Variants in NKAIN2 observed in about 807,000 individuals in gnomAD.
NKAIN2 encodes the protein sodium/potassium transporting ATPase interacting 2, also known as sodium/potassium-transporting ATPase subunit beta-1-interacting protein 2.
NKAIN2 carries 14 observed loss-of-function variants against 32.6 expected under a neutral mutation model. That is an observed-to-expected ratio of 0.43 (90% confidence interval 0.28 to 0.67). The LOEUF (loss-of-function observed/expected upper bound fraction) is 0.67, where lower values mean the gene tolerates loss of function less well. NKAIN2 is among the 30% of genes least tolerant of loss of function. The pLI is 0.17. For missense variants in NKAIN2, 198 were observed against 258.3 expected, an observed-to-expected ratio of 0.77 and a Z score of 1.60; for synonymous variants, 80 against 87.2, an observed-to-expected ratio of 0.92 and a Z score of 0.46.
In NKAIN2 at chr6:124,681,086, G is replaced by A. The variant is rs75114392; in HGVS notation, c.474+22700G>A. Among the ~76,000 whole-genome samples the A allele has an allele frequency of 1.4e-3, 212 of 151,936 alleles. 2 individuals are homozygous for A. In the East Asian group the frequency reaches 0.036, roughly 26 times the overall value. Reference sequence around the variant, plus strand: ...TTTAGTATAATTTCTTTGTTTTATAGATGAGAACACTGAGTCATACAGCTG... The same window carrying A: ...TTTAGTATAATTTCTTTGTTTTATAAATGAGAACACTGAGTCATACAGCTG... On this transcript the variant is annotated intron_variant, in intron 4 of 6. Transcript: ENST00000368417.
chr6:124,095,776 GT>G (rs1469639453), intron 1 of NKAIN2, among the ~76,000 whole-genome samples: 1 of 152,092 alleles, frequency 6.6e-6, no homozygotes, highest in Non-Finnish European at 1.5e-5. Context: ...AAGTGATCAT[GT>G]TTTTCTGTAA....
At chr6:124,093,433 T>A (rs903595935) in intron 1 of NKAIN2, among the ~76,000 whole-genome samples, 9 of 152,102 alleles carry the variant, frequency 5.9e-5, no homozygotes, top group African/African-American at 1.4e-4. Context: ...CCCATAGGAT[T>A]GTTACATGCA....
chr6:124,182,654 A>G (rs941144207), intron 1 of NKAIN2, among the ~76,000 whole-genome samples: 2 of 152,184 alleles, frequency 1.3e-5, no homozygotes, highest in Non-Finnish European at 2.9e-5. Flanking sequence ...ACTACCCTGA[A>G]CATTTTGAGA....
chr6:124,798,102 T>TCTAG lies in NKAIN2; in HGVS notation c.535+6706_535+6707insGCTA, dbSNP rs1344021417. Reference sequence around the variant, plus strand: ...ATCTATCTATCTATCTATCTATCTATCTATCATCTAACTGCATTCCTCCCA... The same window carrying TCTAG: ...ATCTATCTATCTATCTATCTATCTATCTAGCTATCATCTAACTGCATTCCTCCCA... On this transcript the variant is annotated intron_variant, in intron 5 of 6. Coordinates refer to ENST00000368417, the MANE Select transcript of NKAIN2 (RefSeq NM_001040214.3). 4.3e-4 allele frequency among the ~76,000 whole-genome samples: 60 copies of TCTAG among 138,444 alleles called. 1 individual carries two copies. Among genetic ancestry groups the TCTAG allele is most frequent in the African/African-American group, 1.4e-3 (55 of 38,800 alleles). 90.8% of individuals were successfully genotyped at this position (138,444 alleles called of 152,430 possible).
At chr6:124,206,137 C>T (rs1419838002) in intron 1 of NKAIN2, among the ~76,000 whole-genome samples, 1 of 151,922 alleles carries the variant, frequency 6.6e-6, no homozygotes, top group Non-Finnish European at 1.5e-5. Flanking sequence ...AGAGCTCCTA[C>T]TTGTGAGTGT....
In NKAIN2 at chr6:124,207,892, C is replaced by G. The variant is rs946449338; in HGVS notation, c.55-75113C>G. On this transcript the variant is annotated intron_variant, in intron 1 of 6. Coordinates refer to ENST00000368417, the MANE Select transcript of NKAIN2 (RefSeq NM_001040214.3). ...TGCAGACAATTAAATATTAATTTTGCTAAATAATACAAAAATTGTGTTACA... is the reference window on the plus strand; with the variant it reads ...TGCAGACAATTAAATATTAATTTTGGTAAATAATACAAAAATTGTGTTACA... 5.9e-5 allele frequency among the ~76,000 whole-genome samples: 9 copies of G among 151,796 alleles called. No homozygotes were observed. In the East Asian group the frequency reaches 1.5e-3, roughly 26 times the overall value.
chr6:124,647,863 T>G (rs1320922620), intron 3 of NKAIN2, among the ~76,000 whole-genome samples: 1 of 152,132 alleles, frequency 6.6e-6, no homozygotes, highest in Non-Finnish European at 1.5e-5. Context: ...TGAAAGCACA[T>G]TCATCAGACT....
chr6:124,304,039 A>C (rs1796408911), intron 2 of NKAIN2, among the ~76,000 whole-genome samples: 1 of 152,228 alleles, frequency 6.6e-6, no homozygotes, highest in Admixed American at 6.5e-5. Context: ...GCTTTAGTTT[A>C]GAAATTGCTT....
intron 1 of NKAIN2, among the ~76,000 whole-genome samples, chr6:124,027,574 G>A (rs371183514): frequency 5.9e-5 from 9 of 152,018 alleles, no homozygotes; most frequent in South Asian, 2.1e-4. Flanking sequence ...CAGGAAACGC[G>A]TATGTATCAT....
At chr6:124,637,617 A>C (rs191801058) in intron 3 of NKAIN2, among the ~76,000 whole-genome samples, 2 of 152,266 alleles carry the variant, frequency 1.3e-5, no homozygotes, top group African/African-American at 4.8e-5. Flanking sequence ...GTTTCTAAAC[A>C]ACAAGAACAA....
chr6:124,220,835 AATATT>A (rs1229005345), intron 1 of NKAIN2, among the ~76,000 whole-genome samples: 4 of 152,124 alleles, frequency 2.6e-5, no homozygotes, highest in African/African-American at 9.7e-5. Flanking sequence ...GAGCTCCATA[AATATT>A]TATTTAGTTG....
intron 1 of NKAIN2, among the ~76,000 whole-genome samples, chr6:124,146,436 G>A (rs1447946762): frequency 1.3e-5 from 2 of 152,062 alleles, no homozygotes; most frequent in African/African-American, 2.4e-5. Flanking sequence ...ATTTGAATTG[G>A]AATTCATGTA....
At chr6:124,570,994 G>A (rs149086102) in intron 3 of NKAIN2, among the ~76,000 whole-genome samples, 193 of 152,318 alleles carry the variant, frequency 1.3e-3, no homozygotes, top group African/African-American at 4.3e-3. Context: ...GCATCAGTGT[G>A]ACCTGGATGT....
chr6:123,819,236 C>T (rs1007369836), intron 1 of NKAIN2, among the ~76,000 whole-genome samples: 22 of 152,048 alleles, frequency 1.4e-4, no homozygotes, highest in African/African-American at 4.8e-4. Flanking sequence ...ATCTGTATGC[C>T]TCGGGAATAG....
chr6:124,065,241 A>AC (rs1562337624), intron 1 of NKAIN2, among the ~76,000 whole-genome samples: 6 of 148,100 alleles, frequency 4.1e-5, no homozygotes, highest in African/African-American at 1.5e-4. Context: ...CACACACACA[A>AC]CACTCAACAA....
chr6:123,976,918 A>C (rs1391637177), intron 1 of NKAIN2, among the ~76,000 whole-genome samples: 1 of 151,262 alleles, frequency 6.6e-6, no homozygotes, highest in Admixed American at 6.6e-5. Flanking sequence ...TGGCACGGAT[A>C]ATAGTAATGT....
chr6:124,346,548 T>C (rs1219128562), intron 2 of NKAIN2, among the ~76,000 whole-genome samples: 1 of 152,188 alleles, frequency 6.6e-6, no homozygotes, highest in Non-Finnish European at 1.5e-5. Context: ...TTTAGGACAA[T>C]TAGCTCTTCT....
intron 1 of NKAIN2, among the ~76,000 whole-genome samples, chr6:123,997,664 C>T (rs1028510876): frequency 2.3e-5 from 3 of 131,208 alleles, no homozygotes; most frequent in Non-Finnish European, 1.5e-5. Context: ...AGTGCAGTGG[C>T]GTGATCTTGG....
At chr6:123,894,116 A>C (rs1327701074) in intron 1 of NKAIN2, among the ~76,000 whole-genome samples, 1 of 145,602 alleles carries the variant, frequency 6.9e-6, no homozygotes, top group East Asian at 1.9e-4. Context: ...TTACATTTTT[A>C]AACCTCTGTT....
Sources: allele counts gnomAD v4.1 joint callset (sites outside exome capture counted in the v4.1 genomes callset), GRCh38; gene constraint gnomAD v4.1.1; transcripts MANE v1.5; gene names NCBI Gene and HGNC (gene_info 2026-07-23, HGNC 2026-07-21).